Variants in AGMO observed in about 807,000 individuals in gnomAD.
The protein encoded by AGMO is alkylglycerol monooxygenase, also known as glyceryl-ether monooxygenase.
Under a neutral mutation model 60.2 loss-of-function variants are expected in AGMO, and 75 were observed. The observed-to-expected ratio is 1.25, with a 90% CI of 1.03 to 1.51. The LOEUF is 1.51. AGMO is among the 40% of genes most tolerant of loss of function. The pLI, the probability that AGMO is intolerant of heterozygous loss-of-function variation, is 0.00. For missense variants in AGMO, 763 were observed against 525.5 expected (o/e 1.45, Z -4.42); for synonymous variants, 261 against 177.1 (o/e 1.47, Z -3.76).
At chr7:15,274,967 G>A (rs146339675) in intron 12 of AGMO, among the ~76,000 whole-genome samples, 28 of 151,240 alleles carry the variant, frequency 1.9e-4, no homozygotes, top group Non-Finnish European at 3.2e-4. Context: ...GTGGCCTATC[G>A]ATTTTTTTTT....
chr7:15,280,848 CAA>C (rs1485666203), intron 12 of AGMO, among the ~76,000 whole-genome samples: 1 of 152,156 alleles, frequency 6.6e-6, no homozygotes, highest in African/African-American at 2.4e-5. Context: ...CTGAGAAAGC[CAA>C]CACACTATGG....
chr7:15,204,932 C>T (rs932891297), intron 12 of AGMO, among the ~76,000 whole-genome samples: 1 of 152,098 alleles, frequency 6.6e-6, no homozygotes, highest in African/African-American at 2.4e-5. Flanking sequence ...GGCTCAAGCA[C>T]TCCTCCCATC....
intron 12 of AGMO, among the ~76,000 whole-genome samples, chr7:15,227,453 CAAAATGGTG>C (rs1262285582): frequency 3.3e-5 from 5 of 149,500 alleles, no homozygotes; most frequent in Non-Finnish European, 7.4e-5. Context: ...ACAACAACAA[CAAAATGGTG>C]AAAACGGTGA....
chr7:15,434,454 C>G (rs1313988514), intron 3 of AGMO, among the ~76,000 whole-genome samples: 1 of 152,074 alleles, frequency 6.6e-6, no homozygotes, highest in Admixed American at 6.6e-5. Flanking sequence ...TAGCTTGTGT[C>G]TTGGGTGTCC....
At chr7:15,270,410 T>C (rs1332396702) in intron 12 of AGMO, among the ~76,000 whole-genome samples, 1 of 151,918 alleles carries the variant, frequency 6.6e-6, no homozygotes, top group Non-Finnish European at 1.5e-5. Context: ...TGTTGGCCAC[T>C]TGTATGTCTT....
chr7:15,493,108 T>A (rs1783112733), intron 3 of AGMO, among the ~76,000 whole-genome samples: 1 of 152,168 alleles, frequency 6.6e-6, no homozygotes, highest in Non-Finnish European at 1.5e-5. Flanking sequence ...GCTTAAGGCA[T>A]TGCCAAATTG....
At chr7:15,166,703 G>A in the AGMO span, among the ~76,000 whole-genome samples, 12 of 152,196 alleles carry the variant, frequency 7.9e-5, no homozygotes, top group African/African-American at 2.9e-4. Flanking sequence ...AAGCAGTGAA[G>A]GTGATGAGTG....
intron 12 of AGMO, among the ~76,000 whole-genome samples, chr7:15,278,469 G>C (rs1009228829): frequency 4.6e-5 from 7 of 151,982 alleles, no homozygotes; most frequent in Non-Finnish European, 1.0e-4. Flanking sequence ...CTAGTTCTCA[G>C]GGCCCCAGAA....
At chr7:15,449,792 C>G (rs957144057) in intron 3 of AGMO, among the ~76,000 whole-genome samples, 4 of 152,074 alleles carry the variant, frequency 2.6e-5, no homozygotes, top group Non-Finnish European at 5.9e-5. Context: ...TTAAAAATCA[C>G]GTTATGTGCA....
rs116632447 is a variant in AGMO, at chr7:15,473,220, G to A, written c.410-42112C>T. On this transcript the variant is annotated intron_variant, in intron 3 of 12. Coordinates refer to ENST00000342526, the MANE Select transcript of AGMO (RefSeq NM_001004320.2). The stretch of plus-strand genomic sequence containing the variant: ...CAGGAAGAAGTGGAATTCCTGAATA[G>A]ACCAAAAGCAAGTTCTGAAATTGAG... Among the ~76,000 whole-genome samples, 1,469 of 151,938 alleles carry A rather than the reference G, an allele frequency of 9.7e-3. 26 individuals carry two copies. The highest frequency in any genetic ancestry group is 0.035 in the African/African-American group (1,435 of 41,484).
intron 2 of AGMO, among the ~76,000 whole-genome samples, chr7:15,555,071 C>T (rs1403229960): frequency 6.6e-6 from 1 of 151,584 alleles, no homozygotes. Flanking sequence ...TACAAATCTG[C>T]CAATTTATAT....
the AGMO span, among the ~76,000 whole-genome samples, chr7:15,157,099 T>TTTA: frequency 6.6e-6 from 1 of 152,188 alleles, no homozygotes; most frequent in Non-Finnish European, 1.5e-5. Flanking sequence ...TGCGGTCTAC[T>TTTA]TTATTATTAT....
At chr7:15,339,827 G>A (rs907565549) in intron 12 of AGMO, among the ~76,000 whole-genome samples, 11 of 152,150 alleles carry the variant, frequency 7.2e-5, no homozygotes, top group African/African-American at 2.2e-4. Context: ...ATTTCTAAAA[G>A]CAATTTTTTA....
At chr7:15,129,721 T>C in the AGMO span, among the ~76,000 whole-genome samples, 1 of 152,156 alleles carries the variant, frequency 6.6e-6, no homozygotes, top group Admixed American at 6.6e-5. Flanking sequence ...TGGGTGGTTT[T>C]GCCCTGCTTT....
chr7:15,313,558 A>G (rs955345246), intron 12 of AGMO, among the ~76,000 whole-genome samples: 1 of 152,136 alleles, frequency 6.6e-6, no homozygotes, highest in African/African-American at 2.4e-5. Context: ...GTTCTGGCAA[A>G]CACTAAATGT....
At chr7:15,382,913 A>G (rs1031514083) in intron 10 of AGMO, among the ~76,000 whole-genome samples, 5 of 152,116 alleles carry the variant, frequency 3.3e-5, no homozygotes, top group Non-Finnish European at 7.4e-5. Context: ...TTTATGTGTG[A>G]TAACATCTAT....
At chr7:15,484,348 AGT>A (rs1782854697) in intron 3 of AGMO, among the ~76,000 whole-genome samples, 1 of 152,106 alleles carries the variant, frequency 6.6e-6, no homozygotes, top group Non-Finnish European at 1.5e-5. Flanking sequence ...ATTTGCATCA[AGT>A]TCAAAAATGG....
chr7:15,498,344 TCTAA>T lies in AGMO; in HGVS notation c.409+46424_409+46427del, dbSNP rs1783290212. Among the ~76,000 whole-genome samples the T allele has an allele frequency of 3.3e-5, 5 of 152,110 alleles. No individual in the cohort carries two copies. The South Asian group carries it at 8.3e-4, about 25-fold the overall frequency. ...AGTGGGGATATTTAGTAGTTTCAAGTCTAACTATTTTTTGCATCAGAAAACTGAT... is the reference window on the plus strand; with the variant it reads ...AGTGGGGATATTTAGTAGTTTCAAGTCTATTTTTTGCATCAGAAAACTGAT... On this transcript the variant is annotated intron_variant, in intron 3 of 12. Transcript: ENST00000342526.
chr7:15,324,533 C>T (rs900022000), intron 12 of AGMO, among the ~76,000 whole-genome samples: 2 of 152,050 alleles, frequency 1.3e-5, no homozygotes, highest in Admixed American at 1.3e-4. Context: ...CCCTACATGG[C>T]CAGAGGCCCC....
Sources: gnomAD v4.1 joint callset for allele counts (sites outside exome capture counted in the v4.1 genomes callset) on GRCh38, gnomAD v4.1.1 for gene constraint, MANE v1.5 for transcripts, NCBI Gene and HGNC (gene_info 2026-07-23, HGNC 2026-07-21) for gene names.